The following ACTR3C variants were observed in gnomAD, a reference collection of about 807,000 sequenced individuals.
ACTR3C encodes actin related protein 3C.
ACTR3C carries 18 observed loss-of-function variants against 26.3 expected under a neutral mutation model. The ratio of observed to expected loss-of-function variants is 0.68; its 90% CI spans 0.47 to 1.01. The LOEUF is 1.01. Ranked by LOEUF, ACTR3C falls within the 50% of genes least tolerant of loss-of-function variation. The probability of loss-of-function intolerance (pLI) is 0.00; values close to 1 mark genes in which losing one functional copy is unlikely to be tolerated. For missense variants in ACTR3C, 184 were observed against 250.7 expected (o/e 0.73, Z 1.80); for synonymous variants, 55 against 94.5 (o/e 0.58, Z 2.42).
At chr7:150,203,276 A>G in the ACTR3C span, among the ~76,000 whole-genome samples, 8,227 of 152,300 alleles carry the variant, frequency 0.054, 351 homozygotes, top group African/African-American at 0.11. Flanking sequence ...TGTGAAAAGG[A>G]TAAGTCATTC....
chr7:149,993,926 C>T, the ACTR3C span, among the ~76,000 whole-genome samples: 1 of 152,148 alleles, frequency 6.6e-6, no homozygotes, highest in African/African-American at 2.4e-5. Context: ...TCCATAAAAT[C>T]CTGTGGATGG....
the ACTR3C span, among the ~76,000 whole-genome samples, chr7:150,016,029 C>T: frequency 5.3e-5 from 8 of 151,546 alleles, no homozygotes; most frequent in Non-Finnish European, 1.0e-4. Context: ...CATTCCTGTG[C>T]ACTGATCACA....
chr7:149,976,491 G>A, the ACTR3C span, among the ~76,000 whole-genome samples: 4 of 151,338 alleles, frequency 2.6e-5, no homozygotes, highest in East Asian at 3.9e-4. Flanking sequence ...GGAGAATGGC[G>A]TGAACCCATG....
the ACTR3C span, among the ~76,000 whole-genome samples, chr7:150,120,035 A>G: frequency 6.6e-6 from 1 of 152,234 alleles, no homozygotes; most frequent in Non-Finnish European, 1.5e-5. Context: ...TTTGAAACCA[A>G]TGAGAACAAA....
At chr7:150,067,829 G>GGGA in the ACTR3C span, among the ~76,000 whole-genome samples, 1 of 148,322 alleles carries the variant, frequency 6.7e-6, no homozygotes, top group African/African-American at 2.5e-5. Context: ...CGGGGGGAGG[G>GGGA]TGCGGACACA....
the ACTR3C span, among the ~76,000 whole-genome samples, chr7:150,049,361 C>G: frequency 4.6e-5 from 7 of 152,194 alleles, no homozygotes; most frequent in African/African-American, 1.7e-4. Flanking sequence ...CTATCACATC[C>G]AGAGAGCGAA....
chr7:150,222,419 G>A, the ACTR3C span, among the ~76,000 whole-genome samples: 1 of 152,224 alleles, frequency 6.6e-6, no homozygotes. Context: ...TGTGCAGCAG[G>A]TGCTTCGCAT....
At chr7:150,315,029 AAAT>A (rs1237341478) in intron 1 of ACTR3C, among the ~76,000 whole-genome samples, 2 of 147,452 alleles carry the variant, frequency 1.4e-5, no homozygotes, top group Admixed American at 6.8e-5. Context: ...TAATATTTAT[AAAT>A]AATATTAATA....
intron 1 of ACTR3C, among the ~76,000 whole-genome samples, chr7:150,297,851 C>CAAAAAA (rs35970305): frequency 2.3e-5 from 2 of 87,122 alleles, no homozygotes; most frequent in Admixed American, 1.1e-4. Flanking sequence ...GACTCCGTCT[C>CAAAAAA]AAAAAAAAAA....
chr7:150,047,223 A>G, the ACTR3C span, among the ~76,000 whole-genome samples: 1 of 151,886 alleles, frequency 6.6e-6, no homozygotes, highest in South Asian at 2.1e-4. Context: ...CCGGAGCACG[A>G]AATAAATAAA....
chr7:150,134,506 C>A, the ACTR3C span, among the ~76,000 whole-genome samples: 4 of 152,208 alleles, frequency 2.6e-5, no homozygotes, highest in African/African-American at 9.6e-5. Context: ...TGAACACGTG[C>A]ACAAACATGA....
At chr7:150,298,505 C>T (rs1795133746) in intron 1 of ACTR3C, among the ~76,000 whole-genome samples, 1 of 147,636 alleles carries the variant, frequency 6.8e-6, no homozygotes, top group Admixed American at 6.7e-5. Context: ...TAAGCTATTT[C>T]CTCTCTCCCT....
At chr7:149,927,808 T>C in the ACTR3C span, among the ~76,000 whole-genome samples, 1 of 151,968 alleles carries the variant, frequency 6.6e-6, no homozygotes, top group Non-Finnish European at 1.5e-5. Context: ...TAAAGAACGA[T>C]GTACAATCAA....
chr7:149,975,374 A>T, the ACTR3C span, among the ~76,000 whole-genome samples: 1 of 152,182 alleles, frequency 6.6e-6, no homozygotes, highest in Non-Finnish European at 1.5e-5. Flanking sequence ...ACCACACAAC[A>T]TAGCAGAACT....
intron 1 of ACTR3C, among the ~76,000 whole-genome samples, chr7:150,308,447 T>G (rs1795992177): frequency 6.6e-6 from 1 of 152,038 alleles, no homozygotes; most frequent in Non-Finnish European, 1.5e-5. Flanking sequence ...CTAGATAAAT[T>G]TTGTCGAAAA....
the ACTR3C span, among the ~76,000 whole-genome samples, chr7:150,177,134 C>T: frequency 6.7e-6 from 1 of 150,198 alleles, no homozygotes; most frequent in African/African-American, 2.5e-5. Context: ...GTTTTTACTA[C>T]CTCATTTATT....
At chr7:150,154,232 A>T in the ACTR3C span, among the ~76,000 whole-genome samples, 5 of 152,078 alleles carry the variant, frequency 3.3e-5, no homozygotes, top group African/African-American at 4.8e-5. Context: ...ATAATAATAA[A>T]AAAAATTTCC....
chr7:150,174,766 G>A, the ACTR3C span, among the ~76,000 whole-genome samples: 3 of 147,704 alleles, frequency 2.0e-5, no homozygotes, highest in East Asian at 5.8e-4. Context: ...AAAACTACAG[G>A]CCCAAATGGC....
At chr7:150,123,614 A>ACACACAC in the ACTR3C span, among the ~76,000 whole-genome samples, 136 of 85,600 alleles carry the variant, frequency 1.6e-3, no homozygotes, top group African/African-American at 4.7e-3. Flanking sequence ...CACACACACA[A>ACACACAC]ACACACACCC....
Sources: gnomAD v4.1 joint callset for allele counts (sites outside exome capture counted in the v4.1 genomes callset) on GRCh38, gnomAD v4.1.1 for gene constraint, MANE v1.5 for transcripts, NCBI Gene and HGNC (gene_info 2026-07-23, HGNC 2026-07-21) for gene names.